Variants in TAF2 observed in about 807,000 individuals in gnomAD.
The protein encoded by TAF2 is transcription initiation factor TFIID subunit 2.
TAF2 carries 61 observed loss-of-function variants against 138.5 expected under a neutral mutation model. The observed-to-expected ratio is 0.44, with a 90% CI of 0.36 to 0.54. The LOEUF (loss-of-function observed/expected upper bound fraction) is 0.54. Among genes scored for constraint, TAF2 ranks in the 20% least tolerant of loss-of-function variants. The pLI is 0.00. For missense variants in TAF2, 1,090 were observed against 1,427.9 expected (o/e 0.76, Z 3.81); for synonymous variants, 475 against 469.9 (o/e 1.01, Z -0.14).
chr8:119,811,785 G>A (rs1357181708), intron 3 of TAF2, among the ~76,000 whole-genome samples: 3 of 113,754 alleles, frequency 2.6e-5, no homozygotes, highest in Admixed American at 1.2e-4. Flanking sequence ...CAGCTTGGGC[G>A]AAAGAGTGAG....
intron 2 of TAF2, among the ~76,000 whole-genome samples, chr8:119,824,425 T>A: frequency 1.0e-5 from 1 of 99,706 alleles, no homozygotes; most frequent in Non-Finnish European, 2.1e-5. Context: ...TGAGACTCCG[T>A]CTCAAAAAAA....
At chr8:119,772,088 T>C (rs762646297) in intron 18 of TAF2, among the ~76,000 whole-genome samples, 6 of 152,150 alleles carry the variant, frequency 3.9e-5, no homozygotes, top group Non-Finnish European at 7.3e-5. Flanking sequence ...CCTGAATGAC[T>C]TTTGGCTAAG....
At chr8:119,814,961 G>T (rs1825353712) in intron 3 of TAF2, among the ~76,000 whole-genome samples, 1 of 151,334 alleles carries the variant, frequency 6.6e-6, no homozygotes, top group Non-Finnish European at 1.5e-5. Flanking sequence ...GCAAAGCCTG[G>T]CCAGGTGCAG....
intron 18 of TAF2, among the ~76,000 whole-genome samples, chr8:119,767,865 G>A (rs1821545913): frequency 1.3e-5 from 2 of 152,176 alleles, no homozygotes; most frequent in Non-Finnish European, 2.9e-5. Flanking sequence ...GCCCCAAGAA[G>A]CCAGGGACCT....
intron 6 of TAF2, 55 bp from the exon 7 acceptor site, chr8:119,797,901 G>A (rs1823944291): frequency 1.3e-6 from 2 of 1,535,164 alleles, no homozygotes; most frequent in Admixed American, 1.7e-5. Flanking sequence ...ATTTAATATT[G>A]GAAATTTCCT....
At chr8:119,795,750 A>G (rs1179790769) in intron 8 of TAF2, 119 bp from the exon 9 acceptor site, 7 of 949,312 alleles carry the variant, frequency 7.4e-6, no homozygotes, top group East Asian at 5.3e-5. Flanking sequence ...GAAAATGAAA[A>G]TTATTAACAA....
Position 119,732,128 on chromosome 8 carries a change from TGA to T in TAF2, c.3394_3395del (p.Val1133LeufsTer3). On this transcript the variant is annotated frameshift_variant, in exon 26 of 26. Coordinates refer to ENST00000378164, the MANE Select transcript of TAF2 (RefSeq NM_003184.4). LOFTEE classifies it high-confidence loss of function. ...SMHPAASAPLSVFTKESTASK... is the reference protein window; with the variant it reads ...SMHPAASAPLXVFTKESTASK... ...AGGCTGTAGATTCCTTAGTAAAGAC[TGA>T]GAGTGGAGCGCTTGCCGCTGGATGC... is the stretch of plus-strand genomic sequence containing the variant. 1 of 1,614,180 alleles carries T rather than the reference TGA, an allele frequency of 6.2e-7. No individual in the cohort carries two copies. Among genetic ancestry groups the T allele is most frequent in the Non-Finnish European group, 8.5e-7 (1 of 1,180,022 alleles).
At chr8:119,825,414 C>G (rs1030480981) in intron 2 of TAF2, among the ~76,000 whole-genome samples, 2 of 152,206 alleles carry the variant, frequency 1.3e-5, no homozygotes, top group African/African-American at 4.8e-5. Flanking sequence ...TCTGATGAGA[C>G]TTAGGACTGT....
chr8:119,812,643 A>G (rs1359077796), intron 3 of TAF2, among the ~76,000 whole-genome samples: 1 of 152,168 alleles, frequency 6.6e-6, no homozygotes, highest in Non-Finnish European at 1.5e-5. Flanking sequence ...TTCACTCAGA[A>G]TACTGGCCTC....
intron 25 of TAF2, among the ~76,000 whole-genome samples, chr8:119,741,918 C>T (rs1819623902): frequency 6.6e-6 from 1 of 152,186 alleles, no homozygotes; most frequent in African/African-American, 2.4e-5. Flanking sequence ...GGATTATAAT[C>T]CTCTCTTTGT....
intron 5 of TAF2, 66 bp downstream of exon 5, chr8:119,803,812 G>A: frequency 7.0e-7 from 1 of 1,421,820 alleles, no homozygotes; most frequent in Non-Finnish European, 9.7e-7. Flanking sequence ...CCAAATGTAT[G>A]TCTTGCTTAT....
chr8:119,734,306 G>GA (rs1819075288), intron 25 of TAF2, among the ~76,000 whole-genome samples: 1 of 151,952 alleles, frequency 6.6e-6, no homozygotes, highest in East Asian at 1.9e-4. Flanking sequence ...TAAGAAAAAA[G>GA]AAAAGGCTTT....
chr8:119,741,225 C>T (rs1819583490), intron 25 of TAF2, among the ~76,000 whole-genome samples: 2 of 152,096 alleles, frequency 1.3e-5, no homozygotes, highest in African/African-American at 2.4e-5. Context: ...TGCCACACCG[C>T]TAAGAAAAAC....
intron 2 of TAF2, 72 bp from the exon 3 acceptor site, chr8:119,819,578 C>A (rs1443209746): frequency 7.9e-7 from 1 of 1,271,192 alleles, no homozygotes; most frequent in Non-Finnish European, 1.1e-6. Flanking sequence ...TTTATTTTTA[C>A]CACTTGTACA....
At chr8:119,812,395 A>G (rs1438405989) in intron 3 of TAF2, among the ~76,000 whole-genome samples, 1 of 151,846 alleles carries the variant, frequency 6.6e-6, no homozygotes, top group Non-Finnish European at 1.5e-5. Context: ...GAATTTTACA[A>G]TAGGAATGTC....
intron 22 of TAF2, among the ~76,000 whole-genome samples, chr8:119,751,153 A>C (rs1269434167): frequency 1.3e-5 from 2 of 152,170 alleles, no homozygotes; most frequent in East Asian, 3.9e-4. Context: ...CCTGTAATTC[A>C]GTATCTTACT....
intron 3 of TAF2, among the ~76,000 whole-genome samples, chr8:119,813,523 T>C (rs1825240448): frequency 1.3e-5 from 2 of 152,192 alleles, no homozygotes; most frequent in South Asian, 4.1e-4. Flanking sequence ...TACTGATTAG[T>C]CCAAATAGGA....
chr8:119,803,881 G>A lies in TAF2; in HGVS notation c.557C>T (p.Thr186Ile), dbSNP rs398124656. The A allele has an allele frequency of 6.2e-7, 1 of 1,612,724 alleles. No individual in the cohort carries two copies. The highest frequency in any genetic ancestry group is 1.3e-5 in the African/African-American group (1 of 74,800). The change falls in exon 5 of 26, where the codon ACA becomes ATA. Residue 186 changes from threonine (T) to isoleucine (I), a missense_variant. By Grantham distance (89) the Thr-to-Ile change is moderately conservative (BLOSUM62 -1). Around this residue, in one of 3 missense-constraint regions of TAF2, gnomAD observed 504 missense variants for 680.9 expected, o/e 0.74. Transcript: ENST00000378164. ...TATTTAAGAATCTATAATCTACCTTGTAGAATTTTGATACCCACAAGAGAA... is the reference window on the plus strand; with the variant it reads ...TATTTAAGAATCTATAATCTACCTTATAGAATTTTGATACCCACAAGAGAA... The part of the protein sequence containing the change: ...HVFSCGYQNS[T>I]RFWFPCVDSY...
chr8:119,796,646 A>G (rs191971392), intron 8 of TAF2, among the ~76,000 whole-genome samples: 28 of 152,218 alleles, frequency 1.8e-4, no homozygotes, highest in African/African-American at 5.1e-4. Flanking sequence ...TCTTTAAGAC[A>G]CTGTTTTACC....
Sources: allele counts gnomAD v4.1 joint callset (sites outside exome capture counted in the v4.1 genomes callset), GRCh38; gene constraint gnomAD v4.1.1; regional missense constraint gnomAD v4.1.1; transcripts MANE v1.5; gene names NCBI Gene and HGNC (gene_info 2026-07-23, HGNC 2026-07-21).